Variants in IRGM observed in about 807,000 individuals in gnomAD.
IRGM encodes immunity-related GTPase family M protein.
For synonymous variants in IRGM, 98 were observed against 80.6 expected (o/e 1.22, Z -1.16); for missense variants, 288 against 219.9 (o/e 1.31, Z -1.96).
downstream of IRGM, among the ~76,000 whole-genome samples, chr5:150,850,279 T>C (rs923882707): frequency 1.3e-5 from 2 of 152,344 alleles, no homozygotes; most frequent in South Asian, 2.1e-4. Context: ...ATTTAAACAG[T>C]ACATAATTAT....
chr5:150,888,463 A>T (rs1387204150), intron 3 of IRGM, among the ~76,000 whole-genome samples: 1 of 152,058 alleles, frequency 6.6e-6, no homozygotes, highest in African/African-American at 2.4e-5. Context: ...GATCTGATAG[A>T]ATGGATCTAT....
At chr5:150,873,843 A>AT (rs1258989432) in intron 1 of IRGM, among the ~76,000 whole-genome samples, 2 of 152,206 alleles carry the variant, frequency 1.3e-5, no homozygotes, top group Admixed American at 1.3e-4. Flanking sequence ...ATCAAAAACA[A>AT]TATCACATCC....
At chr5:150,854,462 A>G (rs1754019986) in intron 1 of IRGM, among the ~76,000 whole-genome samples, 1 of 152,110 alleles carries the variant, frequency 6.6e-6, no homozygotes, top group Non-Finnish European at 1.5e-5. Flanking sequence ...TCAACTTTGA[A>G]GGGCTGTCTT....
Position 150,848,159 on chromosome 5 carries a change from T to C in IRGM, c.36T>C (p.Asp12=). The change falls in exon 2 of 2, where the codon GAT becomes GAC. Residue 12 remains aspartate, a synonymous_variant. Transcript: ENST00000522154. Reference sequence around the variant, plus strand: ...TGAATGTTGAGAAAGCCTCAGCAGATGGGAACTTGCCAGAGGTGATCTCTA... The same window carrying C: ...TGAATGTTGAGAAAGCCTCAGCAGACGGGAACTTGCCAGAGGTGATCTCTA... ...EAMNVEKASA[D]GNLPEVISNI... is the part of the protein sequence containing the mutation. The C allele has an allele frequency of 6.5e-7, 1 of 1,550,380 alleles. No individual in the cohort carries two copies. The highest frequency in any genetic ancestry group is 1.4e-5 in the African/African-American group (1 of 73,086).
intron 1 of IRGM, among the ~76,000 whole-genome samples, chr5:150,875,400 A>G (rs540524076): frequency 1.1e-4 from 17 of 152,342 alleles, no homozygotes; most frequent in African/African-American, 4.1e-4. Context: ...ACTGTAGCCA[A>G]TGGTTTGGCT....
At chr5:150,884,523 T>G (rs1754489099) in intron 3 of IRGM, among the ~76,000 whole-genome samples, 1 of 152,162 alleles carries the variant, frequency 6.6e-6, no homozygotes, top group Non-Finnish European at 1.5e-5. Flanking sequence ...TTGAACTAAT[T>G]TACACTTTCA....
At chr5:150,878,040 G>C (rs1241875163) in exon 2 of IRGM, 1 of 459,486 alleles carries the variant, frequency 2.2e-6, no homozygotes, top group Admixed American at 2.3e-5. Context: ...TTGCTGAAAG[G>C]ATCCTGAGAG....
intron 1 of IRGM, among the ~76,000 whole-genome samples, chr5:150,864,317 C>T (rs1754176298): frequency 6.6e-6 from 1 of 152,054 alleles, no homozygotes; most frequent in Non-Finnish European, 1.5e-5. Flanking sequence ...TGATTCATTT[C>T]CTTATTAAAA....
chr5:150,859,140 T>C (rs1034340319), intron 1 of IRGM, among the ~76,000 whole-genome samples: 8 of 152,106 alleles, frequency 5.3e-5, no homozygotes, highest in South Asian at 4.1e-4. Flanking sequence ...GCATGAAGCG[T>C]TGTTGAATTT....
intron 1 of IRGM, among the ~76,000 whole-genome samples, chr5:150,868,714 G>T (rs2113274312): frequency 1.3e-5 from 2 of 151,756 alleles, no homozygotes; most frequent in African/African-American, 4.8e-5. Context: ...ATTCCTAAGT[G>T]GGTTTTGTTG....
In IRGM at chr5:150,848,499, A is replaced by C. The variant is rs998415796; in HGVS notation, c.376A>C (p.Asn126His). ...GGTTGCATCTGCACAATTCAGCATG[A>C]ATCATGTGATGCTTGCCAAAACCGC... ...IMVASAQFSM[N>H]HVMLAKTAED... Residue 126 changes from asparagine to histidine, a missense_variant, in exon 2 of 2, where the codon AAT becomes CAT. Coordinates refer to ENST00000522154, the MANE Select transcript of IRGM (RefSeq NM_001145805.2). 6.4e-7 allele frequency: 1 copy of C among 1,551,730 alleles called. No homozygotes were observed. The highest frequency in any genetic ancestry group is 1.4e-5 in the African/African-American group (1 of 73,048).
At chr5:150,882,396 T>C (rs1477398909) in intron 3 of IRGM, among the ~76,000 whole-genome samples, 4 of 152,078 alleles carry the variant, frequency 2.6e-5, no homozygotes, top group Non-Finnish European at 5.9e-5. Flanking sequence ...TGAATGTAAA[T>C]AGATTAAATT....
intron 3 of IRGM, chr5:150,898,125 T>A: frequency 3.7e-6 from 6 of 1,613,700 alleles, no homozygotes; most frequent in Non-Finnish European, 5.1e-6. Context: ...CCCTTTATGA[T>A]CCATGGCTCT....
At chr5:150,884,395 C>T (rs62380624) in intron 3 of IRGM, among the ~76,000 whole-genome samples, 1 of 152,000 alleles carries the variant, frequency 6.6e-6, no homozygotes, top group Non-Finnish European at 1.5e-5. Context: ...ATGCATATGT[C>T]TTCACAGTAG....
chr5:150,847,264 G>T (rs1267107013), intron 1 of IRGM, 44 bp downstream of exon 1: 2 of 152,392 alleles, frequency 1.3e-5, no homozygotes, highest in African/African-American at 4.8e-5. Flanking sequence ...GTAAGCAATG[G>T]GAATTGGATG....
rs1753895780 is a variant in IRGM at position 150,847,817 on chromosome 5, G to A, written c.-307G>A. 3.3e-6 allele frequency: 1 copy of A among 299,054 alleles called. No individual in the cohort carries two copies. Among genetic ancestry groups the A allele is most frequent in the African/African-American group, 2.2e-5 (1 of 46,358 alleles). 18.5% of individuals were successfully genotyped at this position (299,054 alleles called of 1,614,324 possible). On this transcript the variant is annotated 5_prime_UTR_variant, in exon 2 of 2. Coordinates refer to ENST00000522154, the MANE Select transcript of IRGM (RefSeq NM_001145805.2). ...ACACCATAAGCATTGGGTTTTGTTT[G>A]TTTTGAGATGGAGTCTTGCTCTGTT...
intron 3 of IRGM, chr5:150,898,183 C>T (rs1754865269): frequency 1.2e-6 from 2 of 1,612,488 alleles, no homozygotes; most frequent in African/African-American, 1.3e-5. Flanking sequence ...AAACTGGATA[C>T]CCTATTAAAC....
At chr5:150,895,791 T>C in intron 3 of IRGM, 3 of 1,613,666 alleles carry the variant, frequency 1.9e-6, no homozygotes, top group Non-Finnish European at 2.5e-6. Context: ...TGTTCTCTGA[T>C]GTATGATGAG....
At chr5:150,887,215 G>T (rs940285786) in intron 3 of IRGM, among the ~76,000 whole-genome samples, 2 of 151,954 alleles carry the variant, frequency 1.3e-5, no homozygotes, top group Admixed American at 6.6e-5. Flanking sequence ...ATACAGGAGT[G>T]GAAGGATGAA....
Sources: gnomAD v4.1 joint callset for allele counts (sites outside exome capture counted in the v4.1 genomes callset) on GRCh38, gnomAD v4.1.1 for gene constraint, MANE v1.5 for transcripts, NCBI Gene and HGNC (gene_info 2026-07-23, HGNC 2026-07-21) for gene names.